The following MCPH1 variants were observed in gnomAD, a reference collection of about 807,000 sequenced individuals.
MCPH1 encodes microcephalin.
Under a neutral mutation model 84.5 loss-of-function variants are expected in MCPH1, and 104 were observed. The observed-to-expected ratio is 1.23, with a 90% CI of 1.05 to 1.45. The LOEUF is 1.45. MCPH1 is among the 40% of genes most tolerant of loss of function. MCPH1 has a pLI of 0.00. For missense variants in MCPH1, 1,498 were observed against 1,005.7 expected (o/e 1.49, Z -6.62); for synonymous variants, 514 against 366.8 (o/e 1.40, Z -4.58).
At chr8:6,481,642 G>C (rs1809256079) in intron 11 of MCPH1, among the ~76,000 whole-genome samples, 2 of 152,170 alleles carry the variant, frequency 1.3e-5, no homozygotes, top group South Asian at 4.1e-4. Context: ...ACATGCAAAA[G>C]CTACACATGT....
chr8:6,512,507 C>G (rs976461522), intron 12 of MCPH1, among the ~76,000 whole-genome samples: 9 of 152,152 alleles, frequency 5.9e-5, no homozygotes, highest in African/African-American at 2.2e-4. Context: ...AATGTGTGCT[C>G]CATGATCACG....
intron 12 of MCPH1, among the ~76,000 whole-genome samples, chr8:6,611,718 T>G (rs564910981): frequency 8.5e-5 from 13 of 152,176 alleles, no homozygotes; most frequent in Non-Finnish European, 1.6e-4. Context: ...TCCCGGGTTC[T>G]CGCCATTCTC....
At chr8:6,467,451 T>C (rs1807123382) in intron 9 of MCPH1, among the ~76,000 whole-genome samples, 1 of 152,232 alleles carries the variant, frequency 6.6e-6, no homozygotes, top group Non-Finnish European at 1.5e-5. Flanking sequence ...CCAGAATTTA[T>C]AGGTTGTGTC....
chr8:6,479,774 G>A (rs1236129620), intron 10 of MCPH1, among the ~76,000 whole-genome samples: 1 of 152,122 alleles, frequency 6.6e-6, no homozygotes, highest in African/African-American at 2.4e-5. Flanking sequence ...AGAACTGAGG[G>A]TTGTTTGGTA....
chr8:6,464,278 G>A (rs186838280), intron 9 of MCPH1, among the ~76,000 whole-genome samples: 4 of 152,268 alleles, frequency 2.6e-5, no homozygotes, highest in South Asian at 2.1e-4. Context: ...GGATGTGCTC[G>A]TTGTAACAGG....
At chr8:6,513,811 C>G in intron 12 of MCPH1, 2 of 1,613,610 alleles carry the variant, frequency 1.2e-6, no homozygotes, top group Non-Finnish European at 1.7e-6. Context: ...AACTCATTTC[C>G]CAGCCAATAT....
intron 6 of MCPH1, among the ~76,000 whole-genome samples, chr8:6,440,890 C>T (rs1407492628): frequency 6.6e-6 from 1 of 152,168 alleles, no homozygotes; most frequent in Non-Finnish European, 1.5e-5. Flanking sequence ...CTCTGTCTTG[C>T]CTAGTTCAGA....
chr8:6,419,793 C>G (rs1799901348), intron 3 of MCPH1, among the ~76,000 whole-genome samples: 1 of 152,028 alleles, frequency 6.6e-6, no homozygotes, highest in African/African-American at 2.4e-5. Context: ...GCCACTGCAC[C>G]CAGCTGATAA....
chr8:6,502,969 G>C (rs1812484511), intron 12 of MCPH1: 1 of 1,024,878 alleles, frequency 9.8e-7, no homozygotes, highest in Non-Finnish European at 1.4e-6. Flanking sequence ...TCTGGAGCAT[G>C]TGGGTCCCGT....
At chr8:6,446,194 C>A in intron 8 of MCPH1, 2 of 889,678 alleles carry the variant, frequency 2.2e-6, no homozygotes, top group African/African-American at 1.8e-5. Context: ...TATAATAAAC[C>A]ATATCATTTT....
At chr8:6,528,639 G>A (rs1190254269) in intron 12 of MCPH1, among the ~76,000 whole-genome samples, 6 of 152,242 alleles carry the variant, frequency 3.9e-5, no homozygotes, top group African/African-American at 9.6e-5. Context: ...CGGCTCTCCC[G>A]CGGATTCTCT....
chr8:6,480,341 A>G (rs1809038104), intron 10 of MCPH1, among the ~76,000 whole-genome samples: 1 of 151,726 alleles, frequency 6.6e-6, no homozygotes, highest in Non-Finnish European at 1.5e-5. Context: ...GGCTAGGCTG[A>G]TCTTGAACTC....
intron 12 of MCPH1, among the ~76,000 whole-genome samples, chr8:6,614,778 G>A (rs932988858): frequency 1.3e-5 from 2 of 152,238 alleles, no homozygotes; most frequent in Non-Finnish European, 1.5e-5. Context: ...TGGTATCTTA[G>A]TGTTCACCTC....
intron 11 of MCPH1, among the ~76,000 whole-genome samples, chr8:6,485,340 T>C (rs1299011684): frequency 6.6e-6 from 1 of 151,842 alleles, no homozygotes; most frequent in Admixed American, 6.6e-5. Flanking sequence ...AAAAAAAGTA[T>C]ATCTTACATA....
intron 12 of MCPH1, chr8:6,521,032 T>A (rs948500760): frequency 7.5e-5 from 47 of 627,788 alleles, no homozygotes; most frequent in Admixed American, 2.8e-4. Flanking sequence ...CCCCTTCTCT[T>A]CTTCCTTCAT....
intron 12 of MCPH1, among the ~76,000 whole-genome samples, chr8:6,584,089 C>T (rs772648275): frequency 3.9e-5 from 6 of 152,140 alleles, no homozygotes; most frequent in Non-Finnish European, 8.8e-5. Context: ...TTCCAACATT[C>T]CTGCCACAGT....
intron 3 of MCPH1, among the ~76,000 whole-genome samples, chr8:6,416,487 C>T (rs1563174560): frequency 1.3e-5 from 2 of 152,104 alleles, no homozygotes; most frequent in African/African-American, 2.4e-5. Flanking sequence ...TTCCCATTCC[C>T]TTCTGTTGCA....
At chr8:6,556,906 C>A (rs1426275197) in intron 12 of MCPH1, among the ~76,000 whole-genome samples, 1 of 152,116 alleles carries the variant, frequency 6.6e-6, no homozygotes, top group Non-Finnish European at 1.5e-5. Flanking sequence ...TTTTCTTCCC[C>A]CTCTGACTTC....
chr8:6,447,581 G>A (rs1344896280), intron 8 of MCPH1, among the ~76,000 whole-genome samples: 3 of 152,148 alleles, frequency 2.0e-5, no homozygotes, highest in East Asian at 3.9e-4. Context: ...ACATAGTCTC[G>A]CACTTGACGC....
Sources: allele counts gnomAD v4.1 joint callset (sites outside exome capture counted in the v4.1 genomes callset), GRCh38; gene constraint gnomAD v4.1.1; transcripts MANE v1.5; gene names NCBI Gene and HGNC (gene_info 2026-07-23, HGNC 2026-07-21).